MACROD2: variants seen among roughly 807,000 people sequenced by gnomAD.
MACROD2 encodes the protein mono-ADP ribosylhydrolase 2.
Under a neutral mutation model 70.4 loss-of-function variants are expected in MACROD2, and 36 were observed. That is an observed-to-expected ratio of 0.51 (90% CI 0.39 to 0.68). The LOEUF (loss-of-function observed/expected upper bound fraction) is 0.68, where lower values mean the gene tolerates loss of function less well. Among genes scored for constraint, MACROD2 ranks in the 30% least tolerant of loss-of-function variants. The pLI is 0.00. For missense variants in MACROD2, 496 were observed against 538.4 expected, an observed-to-expected ratio of 0.92 and a Z score of 0.78; for synonymous variants, 172 against 178.8, an observed-to-expected ratio of 0.96 and a Z score of 0.30.
intron 3 of MACROD2, among the ~76,000 whole-genome samples, chr20:14,335,430 G>C (rs1387973162): frequency 6.6e-6 from 1 of 152,164 alleles, no homozygotes; most frequent in Non-Finnish European, 1.5e-5. Flanking sequence ...AGTTTTGATA[G>C]AATTGTAGGC....
chr20:15,275,980 G>A (rs905248600), intron 6 of MACROD2, among the ~76,000 whole-genome samples: 1 of 152,288 alleles, frequency 6.6e-6, no homozygotes, highest in Middle Eastern at 3.4e-3. Context: ...GGAGAAAGCA[G>A]GGCATCCTGA....
At chr20:14,209,453 C>CA (rs969444611) in intron 3 of MACROD2, among the ~76,000 whole-genome samples, 2 of 151,766 alleles carry the variant, frequency 1.3e-5, no homozygotes, top group African/African-American at 4.8e-5. Flanking sequence ...TAAGAAATGT[C>CA]AATGATGCTG....
At chr20:14,428,851 G>A (rs183964871) in intron 3 of MACROD2, among the ~76,000 whole-genome samples, 14 of 152,096 alleles carry the variant, frequency 9.2e-5, no homozygotes, top group South Asian at 2.1e-4. Flanking sequence ...TTGTATAGCC[G>A]AATATACTCC....
At chr20:15,741,316 G>T (rs2051103001) in intron 8 of MACROD2, among the ~76,000 whole-genome samples, 1 of 151,216 alleles carries the variant, frequency 6.6e-6, no homozygotes, top group Non-Finnish European at 1.5e-5. Context: ...GACCAGGATG[G>T]TGTCAATCTT....
At chr20:15,976,027 A>G (rs2066301129) in intron 13 of MACROD2, among the ~76,000 whole-genome samples, 2 of 152,226 alleles carry the variant, frequency 1.3e-5, no homozygotes, top group South Asian at 2.1e-4. Context: ...CACAATTTAC[A>G]TGATTTCTTC....
At chr20:14,617,471 G>C (rs1223441877) in intron 4 of MACROD2, among the ~76,000 whole-genome samples, 1 of 151,838 alleles carries the variant, frequency 6.6e-6, no homozygotes, top group Non-Finnish European at 1.5e-5. Context: ...CTGCTCTATG[G>C]GTAAACACAA....
intron 5 of MACROD2, among the ~76,000 whole-genome samples, chr20:14,740,255 T>C (rs2071717272): frequency 6.6e-6 from 1 of 152,140 alleles, no homozygotes. Context: ...ATTTTACAGA[T>C]GGAAAATCTG....
At chr20:16,030,961 A>T (rs1385176041) in intron 15 of MACROD2, among the ~76,000 whole-genome samples, 1 of 152,194 alleles carries the variant, frequency 6.6e-6, no homozygotes, top group Non-Finnish European at 1.5e-5. Flanking sequence ...GATAAGTTTA[A>T]CGATTTTTAA....
rs533755040 is a variant in MACROD2 at position 15,497,928 on chromosome 20, C to T, written c.572-1846C>T. On this transcript the variant is annotated intron_variant, in intron 7 of 17. Coordinates refer to ENST00000684519, the MANE Select transcript of MACROD2 (RefSeq NM_001351661.2). ...TCATTAAAAGTATGACATAGCTACT[C>T]GTGTGGGGTTCAGTAATACTTTTTA... is the stretch of plus-strand genomic sequence containing the variant. Among the ~76,000 whole-genome samples the T allele has an allele frequency of 1.1e-4, 16 of 152,232 alleles. No individual in the cohort carries two copies. In the East Asian group the frequency reaches 1.2e-3, roughly 11 times the overall value.
chr20:14,945,151 C>G (rs1013475383), intron 5 of MACROD2, among the ~76,000 whole-genome samples: 9 of 151,280 alleles, frequency 5.9e-5, no homozygotes, highest in Admixed American at 3.3e-4. Flanking sequence ...GAGTCTCGCT[C>G]TACTGCCCAG....
At chr20:14,484,799 C>T (rs747955209) in intron 3 of MACROD2, among the ~76,000 whole-genome samples, 92 of 152,302 alleles carry the variant, frequency 6.0e-4, no homozygotes, top group Non-Finnish European at 1.1e-3. Flanking sequence ...GAATACTACT[C>T]CATTGTGTAG....
At chr20:14,013,955 T>C (rs1460697010) in intron 2 of MACROD2, among the ~76,000 whole-genome samples, 1 of 152,178 alleles carries the variant, frequency 6.6e-6, no homozygotes, top group Non-Finnish European at 1.5e-5. Context: ...TTTTTAAAAA[T>C]ATTGTAAAAA....
intron 5 of MACROD2, among the ~76,000 whole-genome samples, chr20:15,063,564 A>G (rs548798709): frequency 1.2e-4 from 19 of 152,290 alleles, no homozygotes; most frequent in African/African-American, 4.3e-4. Flanking sequence ...GTTTTAGTCT[A>G]AAAGAAAAGT....
intron 4 of MACROD2, among the ~76,000 whole-genome samples, chr20:14,513,316 C>T (rs1234473771): frequency 6.6e-6 from 1 of 152,048 alleles, no homozygotes; most frequent in African/African-American, 2.4e-5. Context: ...TTTAAAGATA[C>T]ATGGCAAAAG....
chr20:14,432,733 C>T (rs2084008918), intron 3 of MACROD2, among the ~76,000 whole-genome samples: 1 of 151,970 alleles, frequency 6.6e-6, no homozygotes, highest in African/African-American at 2.4e-5. Flanking sequence ...AATGTGAGCT[C>T]CTTTGTTCTT....
At chr20:15,004,303 C>T (rs1279481543) in intron 5 of MACROD2, among the ~76,000 whole-genome samples, 1 of 152,194 alleles carries the variant, frequency 6.6e-6, no homozygotes, top group African/African-American at 2.4e-5. Context: ...TCCCCTCTAT[C>T]TGGACTACAC....
intron 8 of MACROD2, among the ~76,000 whole-genome samples, chr20:15,507,673 G>A (rs985217723): frequency 5.9e-5 from 9 of 152,006 alleles, no homozygotes; most frequent in African/African-American, 2.2e-4. Flanking sequence ...CTTCTGATGG[G>A]GGTGTTCCAG....
At chr20:16,031,460 G>T (rs939640142) in intron 15 of MACROD2, among the ~76,000 whole-genome samples, 1 of 152,098 alleles carries the variant, frequency 6.6e-6, no homozygotes, top group Non-Finnish European at 1.5e-5. Flanking sequence ...ACTAGATCTA[G>T]AAATTCACTC....
intron 2 of MACROD2, among the ~76,000 whole-genome samples, chr20:14,048,334 C>T (rs772351376): frequency 8.6e-5 from 13 of 152,044 alleles, no homozygotes; most frequent in Non-Finnish European, 1.3e-4. Context: ...ATGAGGAGTC[C>T]GCTCTCTATC....
Sources: gnomAD v4.1 joint callset for allele counts (sites outside exome capture counted in the v4.1 genomes callset) on GRCh38, gnomAD v4.1.1 for gene constraint, MANE v1.5 for transcripts, NCBI Gene and HGNC (gene_info 2026-07-23, HGNC 2026-07-21) for gene names.